The following ZNF385B variants were observed in gnomAD, a reference collection of about 807,000 sequenced individuals.
ZNF385B encodes the protein zinc finger protein 385B.
Under a neutral mutation model 39.2 loss-of-function variants are expected in ZNF385B, and 23 were observed. The observed-to-expected ratio is 0.59, with a 90% CI of 0.42 to 0.83. The LOEUF is 0.83. ZNF385B is among the 40% of genes least tolerant of loss of function. ZNF385B has a pLI of 0.00. For missense variants in ZNF385B, 552 were observed against 598.9 expected (o/e 0.92, Z 0.82); for synonymous variants, 205 against 222.6 (o/e 0.92, Z 0.70).
intron 3 of ZNF385B, among the ~76,000 whole-genome samples, chr2:179,688,095 G>A (rs1575233606): frequency 6.6e-6 from 1 of 152,104 alleles, no homozygotes. Flanking sequence ...CTACCCTCAA[G>A]GAGGGTTTTG....
intron 1 of ZNF385B, among the ~76,000 whole-genome samples, chr2:179,808,784 G>T (rs185019202): frequency 2.0e-5 from 3 of 152,166 alleles, no homozygotes; most frequent in South Asian, 2.1e-4. Flanking sequence ...CTTAACAAAA[G>T]AAATTGTTTC....
intron 6 of ZNF385B, among the ~76,000 whole-genome samples, chr2:179,451,107 G>A (rs1348703272): frequency 1.1e-4 from 13 of 122,338 alleles, no homozygotes; most frequent in African/African-American, 3.2e-4. Flanking sequence ...TTGTGAGGTG[G>A]GGGGAGGGGG....
chr2:179,567,217 A>G (rs889236053), intron 3 of ZNF385B, among the ~76,000 whole-genome samples: 9 of 152,166 alleles, frequency 5.9e-5, no homozygotes, highest in Admixed American at 1.3e-4. Flanking sequence ...TGCCAGGCCC[A>G]TAATCTTTTT....
At chr2:179,523,828 T>C (rs1271266145) in intron 4 of ZNF385B, among the ~76,000 whole-genome samples, 1 of 152,142 alleles carries the variant, frequency 6.6e-6, no homozygotes, top group Admixed American at 6.5e-5. Context: ...AGACTTATTG[T>C]GTTGCTCAGT....
At chr2:179,792,285 TTGTG>T (rs1313757078) in intron 1 of ZNF385B, among the ~76,000 whole-genome samples, 1 of 152,050 alleles carries the variant, frequency 6.6e-6, no homozygotes, top group African/African-American at 2.4e-5. Flanking sequence ...TAGTTACCAT[TTGTG>T]TGTGCCTTTT....
At chr2:179,833,211 A>G (rs1474236465) in intron 1 of ZNF385B, among the ~76,000 whole-genome samples, 4 of 152,132 alleles carry the variant, frequency 2.6e-5, no homozygotes, top group Non-Finnish European at 5.9e-5. Context: ...TTCAATTTTC[A>G]GTTTTTGTTT....
At chr2:179,629,849 G>C (rs901295205) in intron 3 of ZNF385B, among the ~76,000 whole-genome samples, 4 of 152,248 alleles carry the variant, frequency 2.6e-5, no homozygotes, top group Admixed American at 2.0e-4. Flanking sequence ...GCAACTGGCA[G>C]ACAAGCAGAT....
At chr2:179,451,650 A>G (rs2050168703) in intron 6 of ZNF385B, among the ~76,000 whole-genome samples, 2 of 152,148 alleles carry the variant, frequency 1.3e-5, no homozygotes, top group South Asian at 4.1e-4. Context: ...AAATGATTTT[A>G]CCCTATTTAG....
intron 3 of ZNF385B, among the ~76,000 whole-genome samples, chr2:179,731,113 A>G (rs1701360301): frequency 6.6e-6 from 1 of 152,238 alleles, no homozygotes; most frequent in Non-Finnish European, 1.5e-5. Context: ...CTGTATGTTC[A>G]GATTTGGCTA....
At chr2:179,641,430 G>C (rs1205990521) in intron 3 of ZNF385B, among the ~76,000 whole-genome samples, 1 of 152,086 alleles carries the variant, frequency 6.6e-6, no homozygotes, top group Non-Finnish European at 1.5e-5. Context: ...TGCATTTACA[G>C]TTTCATTTCC....
Position 179,747,830 on chromosome 2 carries a change from C to A in ZNF385B, c.298+21673G>T, listed in dbSNP as rs201680803. 6.6e-5 allele frequency among the ~76,000 whole-genome samples: 10 copies of A among 152,142 alleles called. No individual in the cohort carries two copies. The East Asian group carries it at 1.9e-3, about 29-fold the overall frequency. On this transcript the variant is annotated intron_variant, in intron 3 of 9. Transcript: ENST00000410066. ...ATGTTATATAATGCCGCACTGGGGT[C>A]TGGGGCAACAACTCTATAATCAGAC...
At chr2:179,855,557 A>G (rs534718936) in intron 1 of ZNF385B, among the ~76,000 whole-genome samples, 1 of 152,348 alleles carries the variant, frequency 6.6e-6, no homozygotes, top group South Asian at 2.1e-4. Flanking sequence ...ATCAAAAGCA[A>G]AAGGGCAATT....
intron 6 of ZNF385B, among the ~76,000 whole-genome samples, chr2:179,448,248 TAGTC>T (rs1241297587): frequency 6.6e-6 from 1 of 152,078 alleles, no homozygotes; most frequent in African/African-American, 2.4e-5. Context: ...TAATTGGTAA[TAGTC>T]AGCAAATTAG....
chr2:179,563,868 C>T (rs1447399432), intron 3 of ZNF385B, among the ~76,000 whole-genome samples: 1 of 152,094 alleles, frequency 6.6e-6, no homozygotes, highest in Non-Finnish European at 1.5e-5. Context: ...ATGTTGATGG[C>T]CTCTTCAAAA....
chr2:179,505,835 C>T (rs181356630), intron 5 of ZNF385B, among the ~76,000 whole-genome samples: 9 of 152,076 alleles, frequency 5.9e-5, no homozygotes, highest in South Asian at 2.1e-4. Context: ...AATAAAAAAA[C>T]GGACCAAAAA....
At chr2:179,621,374 T>C (rs1690198855) in intron 3 of ZNF385B, among the ~76,000 whole-genome samples, 2 of 152,200 alleles carry the variant, frequency 1.3e-5, no homozygotes, top group African/African-American at 4.8e-5. Context: ...GTGGTAATAA[T>C]GTTAAGGTTG....
intron 1 of ZNF385B, among the ~76,000 whole-genome samples, chr2:179,814,948 C>T (rs1706970179): frequency 6.6e-6 from 1 of 152,186 alleles, no homozygotes; most frequent in Non-Finnish European, 1.5e-5. Flanking sequence ...TAAGTAAACA[C>T]ATAATGATCA....
chr2:179,578,158 T>C (rs1311073153), intron 3 of ZNF385B, among the ~76,000 whole-genome samples: 1 of 152,146 alleles, frequency 6.6e-6, no homozygotes, highest in Non-Finnish European at 1.5e-5. Flanking sequence ...TTAAGTACTA[T>C]AGACTTCCAT....
At chr2:179,461,795 A>G (rs2051369502) in intron 6 of ZNF385B, among the ~76,000 whole-genome samples, 1 of 152,216 alleles carries the variant, frequency 6.6e-6, no homozygotes, top group Non-Finnish European at 1.5e-5. Flanking sequence ...AATAGTTGTA[A>G]GAAGTAAGCT....
Sources: gnomAD v4.1 joint callset for allele counts (sites outside exome capture counted in the v4.1 genomes callset) on GRCh38, gnomAD v4.1.1 for gene constraint, MANE v1.5 for transcripts, NCBI Gene and HGNC (gene_info 2026-07-23, HGNC 2026-07-21) for gene names.